WDTC1: variants seen among roughly 807,000 people sequenced by gnomAD.
WDTC1 encodes WD and tetratricopeptide repeats protein 1.
WDTC1 carries 12 observed loss-of-function variants against 76.0 expected under a neutral mutation model. The ratio of observed to expected loss-of-function variants is 0.16; its 90% confidence interval spans 0.10 to 0.26. The LOEUF is 0.26. WDTC1 is among the 10% of genes least tolerant of loss of function. The probability of loss-of-function intolerance (pLI) is 1.00; values close to 1 mark genes in which losing one functional copy is unlikely to be tolerated. For synonymous variants in WDTC1, 326 were observed against 350.8 expected, an observed-to-expected ratio of 0.93 and a Z score of 0.79; for missense variants, 511 against 908.8, an observed-to-expected ratio of 0.56 and a Z score of 5.63.
chr1:27,283,246 G>A, intron 4 of WDTC1, 92 bp from the exon 5 acceptor site: 1 of 1,133,142 alleles, frequency 8.8e-7, no homozygotes. Context: ...TTCAAATTCT[G>A]TAACCTAACT....
chr1:27,284,779 AC>A (rs1400905123), intron 5 of WDTC1, among the ~76,000 whole-genome samples: 1 of 151,622 alleles, frequency 6.6e-6, no homozygotes, highest in African/African-American at 2.4e-5. Context: ...AAAAAAAAAA[AC>A]AACCTGAAAA....
chr1:27,285,727 C>G (rs575053352), intron 5 of WDTC1, among the ~76,000 whole-genome samples: 2 of 151,562 alleles, frequency 1.3e-5, no homozygotes, highest in African/African-American at 4.8e-5. Context: ...GCTGGGACTA[C>G]AGGCATACAC....
At chr1:27,265,114 G>T (rs78857017) in intron 3 of WDTC1, among the ~76,000 whole-genome samples, 2,627 of 152,166 alleles carry the variant, frequency 0.017, 30 homozygotes, top group East Asian at 0.024. Context: ...CACACTGTAA[G>T]CTTAAAAGAA....
intron 14 of WDTC1, chr1:27,304,325 A>T (rs1012800095): frequency 6.1e-6 from 1 of 164,454 alleles, no homozygotes; most frequent in African/African-American, 2.4e-5. Context: ...GAATCTCTCC[A>T]TAGGCCAGGC....
chr1:27,241,857 T>C (rs962535388), intron 1 of WDTC1, among the ~76,000 whole-genome samples: 1 of 151,190 alleles, frequency 6.6e-6, no homozygotes, highest in African/African-American at 2.4e-5. Flanking sequence ...TTCACAAAGC[T>C]CAAACAAGTG....
At chr1:27,269,710 G>A (rs1332359579) in intron 3 of WDTC1, among the ~76,000 whole-genome samples, 2 of 149,326 alleles carry the variant, frequency 1.3e-5, no homozygotes, top group Non-Finnish European at 3.0e-5. Flanking sequence ...CGCCTCCCAG[G>A]TTCAAGGAAT....
intron 5 of WDTC1, among the ~76,000 whole-genome samples, chr1:27,285,572 A>G (rs779247555): frequency 2.6e-5 from 4 of 152,076 alleles, no homozygotes; most frequent in Non-Finnish European, 5.9e-5. Context: ...AATATTTTTT[A>G]TCCTCAAAGT....
chr1:27,263,075 G>A, intron 2 of WDTC1, 77 bp from the exon 3 acceptor site: 1 of 1,510,818 alleles, frequency 6.6e-7, no homozygotes, highest in Non-Finnish European at 9.1e-7. Flanking sequence ...CCAGGAAAGA[G>A]CTGGATATAT....
In WDTC1 at chr1:27,301,667, C is replaced by A. The variant is rs564900207; in HGVS notation, c.1468+206C>A. Among the ~76,000 whole-genome samples, 1 of 152,100 alleles carries A rather than the reference C, an allele frequency of 6.6e-6. No homozygotes were observed. The highest frequency in any genetic ancestry group is 2.4e-5 in the African/African-American group (1 of 41,396). Reference sequence around the variant, plus strand: ...AGGCATGCCAGCACCTCCCACTGAGCGTTTCTATTGAGGATCAGCATGTTT... The same window carrying A: ...AGGCATGCCAGCACCTCCCACTGAGAGTTTCTATTGAGGATCAGCATGTTT... On this transcript the variant is annotated intron_variant, in intron 13 of 15. Transcript: ENST00000319394. This position sits in a 1 kb window ranked among gnomAD's most constrained non-coding sequence, Gnocchi z 5.8.
intron 1 of WDTC1, among the ~76,000 whole-genome samples, chr1:27,252,613 C>T (rs1005827563): frequency 2.0e-5 from 3 of 151,970 alleles, no homozygotes; most frequent in Non-Finnish European, 2.9e-5. Context: ...GCTTGGGCAA[C>T]ATGGTGAAAC....
intron 5 of WDTC1, among the ~76,000 whole-genome samples, chr1:27,287,108 A>T (rs1180030723): frequency 2.0e-5 from 3 of 151,350 alleles, no homozygotes; most frequent in Non-Finnish European, 4.4e-5. Flanking sequence ...AGTTGCAGTG[A>T]GCCGAGATTG....
chr1:27,306,079 C>T lies in WDTC1; in HGVS notation c.1837-107C>T, dbSNP rs1224691532. ...CTCCTGGCATGTATGTGTACCTCCC[C>T]CTATAGATAGTTTAGTCTGTGTATT... On this transcript the variant is annotated intron_variant, in intron 15 of 15. Transcript: ENST00000319394. This position sits in a 1 kb window ranked among gnomAD's most constrained non-coding sequence, Gnocchi z 5.0. The T allele has an allele frequency of 3.9e-6, 5 of 1,265,914 alleles. No homozygotes were observed. In the East Asian group the frequency reaches 1.2e-4, roughly 31 times the overall value. The allele number at this position is 1,265,914 out of a possible 1,614,324, so 78.4% of individuals were successfully genotyped here. A position where few individuals can be genotyped will look rare whatever the true frequency, so the allele number is the denominator to read the frequency against.
chr1:27,262,053 G>A (rs1414257792), intron 2 of WDTC1, among the ~76,000 whole-genome samples: 1 of 147,178 alleles, frequency 6.8e-6, no homozygotes, highest in African/African-American at 2.5e-5. Flanking sequence ...CCTCAGCCTC[G>A]CAAGTAGCTG....
chr1:27,250,793 CTATTA>C (rs1430905721), intron 1 of WDTC1, among the ~76,000 whole-genome samples: 1 of 151,536 alleles, frequency 6.6e-6, no homozygotes, highest in Non-Finnish European at 1.5e-5. Flanking sequence ...TAACCTCAGG[CTATTA>C]TATTACTGAT....
chr1:27,260,948 TC>T lies in WDTC1; in HGVS notation c.-99-3del. On this transcript the variant is annotated splice_region_variant and splice_polypyrimidine_tract_variant and intron_variant, in intron 1 of 15. Transcript: ENST00000319394. ...ATCCTCCAAAGTTTGATGATTTTTT[TC>T]CCCCAGGTAATTAAATGTGTATTTT... 3 of 1,261,776 alleles carry T rather than the reference TC, an allele frequency of 2.4e-6. No individual in the cohort carries two copies. The highest frequency in any genetic ancestry group is 2.1e-5 in the Admixed American group (1 of 47,820). The allele number at this position is 1,261,776 out of a possible 1,614,324, so 78.2% of individuals were successfully genotyped here.
At chr1:27,242,562 C>T (rs1363967790) in intron 1 of WDTC1, among the ~76,000 whole-genome samples, 17 of 151,644 alleles carry the variant, frequency 1.1e-4, no homozygotes, top group Middle Eastern at 3.4e-3. Context: ...CTCTGCCTCC[C>T]GGGTTCAAGT....
chr1:27,304,064 C>T, intron 14 of WDTC1: 1 of 400,712 alleles, frequency 2.5e-6, no homozygotes, highest in Middle Eastern at 4.2e-4. Flanking sequence ...TCCTTCATCC[C>T]CCACCTCCTT....
chr1:27,258,816 T>C (rs1421814289), intron 1 of WDTC1, among the ~76,000 whole-genome samples: 1 of 152,188 alleles, frequency 6.6e-6, no homozygotes, highest in African/African-American at 2.4e-5. Context: ...AAACGTGATT[T>C]CAGTAGAGGA....
At chr1:27,249,972 G>A (rs2011981922) in intron 1 of WDTC1, among the ~76,000 whole-genome samples, 1 of 152,056 alleles carries the variant, frequency 6.6e-6, no homozygotes, top group African/African-American at 2.4e-5. Flanking sequence ...AAACCTAACA[G>A]GTGATAAAGA....
Sources: gnomAD v4.1 joint callset for allele counts (sites outside exome capture counted in the v4.1 genomes callset) on GRCh38, gnomAD v4.1.1 for gene constraint, Gnocchi (gnomAD v3.1) non-coding constraint, MANE v1.5 for transcripts, NCBI Gene and HGNC (gene_info 2026-07-23, HGNC 2026-07-21) for gene names.